The following CEP85 variants were observed in gnomAD, a reference collection of about 807,000 sequenced individuals.
The protein encoded by CEP85 is centrosomal protein of 85 kDa.
Under a neutral mutation model 93.7 loss-of-function variants are expected in CEP85, and 58 were observed. The observed-to-expected ratio is 0.62, with a 90% CI of 0.50 to 0.77. The LOEUF (loss-of-function observed/expected upper bound fraction) is 0.77. Among genes scored for constraint, CEP85 ranks in the 30% least tolerant of loss-of-function variants. The probability of loss-of-function intolerance (pLI) is 0.00; values close to 1 mark genes in which losing one functional copy is unlikely to be tolerated. For missense variants in CEP85, 868 were observed against 922.0 expected (o/e 0.94, Z 0.76); for synonymous variants, 314 against 338.6 (o/e 0.93, Z 0.80).
intron 3 of CEP85, among the ~76,000 whole-genome samples, chr1:26,247,808 G>GTTTGTTTTGT (rs569238071): frequency 1.8e-4 from 28 of 151,874 alleles, no homozygotes; most frequent in Non-Finnish European, 2.9e-4. Context: ...CACTCAGCCA[G>GTTTGTTTTGT]TTTGTTTTGT....
At position 26,251,478 on chromosome 1, in the gene CEP85, G is replaced by A. The variant is rs376901805; in HGVS notation, c.209-3693G>A. 3.9e-4 allele frequency among the ~76,000 whole-genome samples: 58 copies of A among 150,236 alleles called. 1 individual carries two copies. The highest frequency in any genetic ancestry group is 1.4e-3 in the African/African-American group (58 of 40,876). Reference sequence around the variant, plus strand: ...GTTGATCAGGCTGGTCTCAAACTCCGGACCTCAGGTGATCCGCCCACCTCA... The same window carrying A: ...GTTGATCAGGCTGGTCTCAAACTCCAGACCTCAGGTGATCCGCCCACCTCA... On this transcript the variant is annotated intron_variant, in intron 3 of 13. Transcript: ENST00000451429.
intron 1 of CEP85, among the ~76,000 whole-genome samples, 152 bp downstream of exon 1, chr1:26,234,462 C>A (rs2089292062): frequency 6.6e-6 from 1 of 152,234 alleles, no homozygotes; most frequent in Non-Finnish European, 1.5e-5. Flanking sequence ...GCCAGTGCCC[C>A]GGCATACGCC....
chr1:26,240,637 G>A (rs2089407046), intron 2 of CEP85, among the ~76,000 whole-genome samples: 1 of 152,224 alleles, frequency 6.6e-6, no homozygotes, highest in South Asian at 2.1e-4. Flanking sequence ...GCTCATGCCT[G>A]TAATCCCAGC....
At chr1:26,236,819 G>C (rs955897769) in intron 1 of CEP85, among the ~76,000 whole-genome samples, 3 of 152,198 alleles carry the variant, frequency 2.0e-5, no homozygotes, top group Non-Finnish European at 4.4e-5. Flanking sequence ...ATCTGGAAGG[G>C]TAAGACAACT....
At chr1:26,250,232 A>G (rs1557653293) in intron 3 of CEP85, among the ~76,000 whole-genome samples, 1 of 152,194 alleles carries the variant, frequency 6.6e-6, no homozygotes, top group Non-Finnish European at 1.5e-5. Context: ...CAGGCCACAC[A>G]GCTGGAGGTG....
intron 1 of CEP85, among the ~76,000 whole-genome samples, chr1:26,235,658 C>G (rs367639833): frequency 3.3e-5 from 5 of 149,656 alleles, no homozygotes; most frequent in African/African-American, 1.2e-4. Context: ...CCGCAACCTC[C>G]GCCTCCCAGG....
At chr1:26,235,587 T>TTTTTTTTTTG (rs61482955) in intron 1 of CEP85, among the ~76,000 whole-genome samples, 2 of 149,298 alleles carry the variant, frequency 1.3e-5, no homozygotes, top group African/African-American at 5.0e-5. Flanking sequence ...TTTTTTTTTT[T>TTTTTTTTTTG]GTGAGACGGA....
In CEP85 at chr1:26,258,754, G is replaced by C. The variant is rs187866582; in HGVS notation, c.1155+494G>C. ...TAGGATTACAGGTGCCTGCCACCAT[G>C]CCTGGCTAATTTTTATATTTTTAGT... On this transcript the variant is annotated intron_variant, in intron 6 of 13. Transcript: ENST00000451429. 5.1e-4 allele frequency among the ~76,000 whole-genome samples: 77 copies of C among 151,098 alleles called. 2 individuals carry two copies. In the East Asian group the frequency reaches 0.014, roughly 27 times the overall value.
chr1:26,276,570 T>C lies in CEP85; in HGVS notation c.1938T>C (p.Asn646=), dbSNP rs757338312. The change falls in exon 13 of 14, where the codon AAT becomes AAC. Residue 646 remains asparagine, a synonymous_variant. Coordinates refer to ENST00000451429, the MANE Select transcript of CEP85 (RefSeq NM_001319944.2). ...SVQNQDLIEK[N]LTLQEHLRQA... is the part of the protein sequence containing the mutation. ...AAAACCAGGACTTGATTGAGAAGAA[T>C]CTGACACTCCAGGAACACCTGCGCC... The C allele has an allele frequency of 1.2e-6, 2 of 1,614,214 alleles. No individual in the cohort carries two copies. Among genetic ancestry groups the C allele is most frequent in the Non-Finnish European group, 8.5e-7 (1 of 1,180,036 alleles).
chr1:26,272,120 C>T (rs964270052), intron 11 of CEP85, 49 bp downstream of exon 11: 36 of 1,567,522 alleles, frequency 2.3e-5, no homozygotes, highest in Non-Finnish European at 3.0e-5. Flanking sequence ...ATGATGGAAT[C>T]TCTAGAATTT....
intron 11 of CEP85, among the ~76,000 whole-genome samples, chr1:26,273,934 T>TAAATAAA (rs777935042): frequency 0.15 from 15,918 of 106,942 alleles, 1,053 homozygotes; most frequent in Non-Finnish European, 0.19. Flanking sequence ...ATAAATAAAA[T>TAAATAAA]ATATATATAT....
intron 1 of CEP85, among the ~76,000 whole-genome samples, chr1:26,239,200 G>T (rs1280698627): frequency 6.6e-6 from 1 of 152,058 alleles, no homozygotes; most frequent in Non-Finnish European, 1.5e-5. Flanking sequence ...GGTAATCTCT[G>T]GTTCTAGGTT....
At chr1:26,240,335 G>A (rs1211702149) in intron 2 of CEP85, among the ~76,000 whole-genome samples, 1 of 152,114 alleles carries the variant, frequency 6.6e-6, no homozygotes, top group Non-Finnish European at 1.5e-5. Context: ...GTCCATGGCG[G>A]ACTGGTTCCA....
At chr1:26,271,990 C>T (rs2089981412) in intron 10 of CEP85, 31 bp from the exon 11 acceptor site, 12 of 1,612,140 alleles carry the variant, frequency 7.4e-6, no homozygotes, top group South Asian at 2.2e-5. Flanking sequence ...GCCTTGTGCT[C>T]GCAGCCTTCC....
In CEP85 at chr1:26,276,614, C is replaced by CA. The variant is rs1557671724; in HGVS notation, c.1983dup (p.Pro662ThrfsTer11). ...CTGCGCCAGGCCCAACCAGGGTCTC[C>CA]ACCTTCACCAGACACGGCCCAGCTG... On this transcript the variant is annotated frameshift_variant, in exon 13 of 14. Coordinates refer to ENST00000451429, the MANE Select transcript of CEP85 (RefSeq NM_001319944.2). LOFTEE classifies it high-confidence loss of function. The CA allele has an allele frequency of 5.0e-6, 8 of 1,614,218 alleles. No homozygotes were observed. Among genetic ancestry groups the CA allele is most frequent in the Non-Finnish European group, 6.8e-6 (8 of 1,180,032 alleles).
At chr1:26,267,008 T>G (rs1001561942) in intron 7 of CEP85, among the ~76,000 whole-genome samples, 1 of 152,224 alleles carries the variant, frequency 6.6e-6, no homozygotes, top group South Asian at 2.1e-4. Context: ...CAGAAAGTTA[T>G]GTATACTTCT....
At chr1:26,252,241 G>T (rs1228689943) in intron 3 of CEP85, among the ~76,000 whole-genome samples, 2 of 141,770 alleles carry the variant, frequency 1.4e-5, no homozygotes, top group African/African-American at 5.3e-5. Context: ...TCTCAAAAAA[G>T]AAAAAATTGG....
chr1:26,268,745 C>T (rs1454244641), intron 8 of CEP85, 110 bp downstream of exon 8: 2 of 1,127,136 alleles, frequency 1.8e-6, no homozygotes, highest in African/African-American at 3.2e-5. Flanking sequence ...AAAGGAGAAT[C>T]CCAAAGCAGT....
intron 9 of CEP85, among the ~76,000 whole-genome samples, chr1:26,270,626 G>A (rs1168774630): frequency 6.6e-6 from 1 of 152,212 alleles, no homozygotes; most frequent in Non-Finnish European, 1.5e-5. Flanking sequence ...GGGGTTAGAG[G>A]ACAAAGTTGG....
Sources: allele counts gnomAD v4.1 joint callset (sites outside exome capture counted in the v4.1 genomes callset), GRCh38; gene constraint gnomAD v4.1.1; transcripts MANE v1.5; gene names NCBI Gene and HGNC (gene_info 2026-07-23, HGNC 2026-07-21).